Variants in GLB1L3 observed in about 807,000 individuals in gnomAD.
GLB1L3 encodes the protein galactosidase beta 1 like 3, also known as beta-galactosidase-1-like protein 3.
GLB1L3 carries 89 observed loss-of-function variants against 89.5 expected under a neutral mutation model. The ratio of observed to expected loss-of-function variants is 0.99; its 90% CI spans 0.84 to 1.19. The LOEUF (loss-of-function observed/expected upper bound fraction) is 1.19, where lower values mean the gene tolerates loss of function less well. Ranked by LOEUF, GLB1L3 falls within the 50% of genes most tolerant of loss-of-function variation. The pLI is 0.00. For synonymous variants in GLB1L3, 314 were observed against 312.3 expected (o/e 1.01, Z -0.06); for missense variants, 812 against 813.3 (o/e 1.00, Z 0.02).
At chr11:134,301,417 A>G (rs986613514) in intron 9 of GLB1L3, among the ~76,000 whole-genome samples, 1 of 152,192 alleles carries the variant, frequency 6.6e-6, no homozygotes, top group Non-Finnish European at 1.5e-5. Flanking sequence ...ATATAATGGC[A>G]TATAATTATG....
intron 9 of GLB1L3, chr11:134,305,102 T>G (rs1235261609): frequency 3.4e-5 from 53 of 1,549,240 alleles, no homozygotes; most frequent in Non-Finnish European, 4.5e-5. Flanking sequence ...CTTTTTGCTT[T>G]CTCTCCTCCC....
the GLB1L3 span, among the ~76,000 whole-genome samples, chr11:134,324,641 G>A: frequency 6.6e-6 from 1 of 152,122 alleles, no homozygotes; most frequent in East Asian, 1.9e-4. Flanking sequence ...TATCATAGAT[G>A]TAGCTGCACA....
rs752953715 is a variant in GLB1L3 at position 134,277,837 on chromosome 11, A to G, written c.287A>G (p.Tyr96Cys). 6.2e-7 allele frequency: 1 copy of G among 1,613,902 alleles called. No homozygotes were observed. Among genetic ancestry groups the G allele is most frequent in the Non-Finnish European group, 8.5e-7 (1 of 1,179,976 alleles). ...KFLIFGGSIH[Y>C]FRVPREYWRD... ...CTGATCTTCGGGGGCTCCATCCACT[A>G]TTTCCGGGTGCCCAGGGAGTACTGG... The change falls in exon 3 of 20, where the codon TAT (tyrosine) becomes TGT (cysteine). Residue 96 changes from tyrosine to cysteine, a missense_variant. This residue lies in a region of GLB1L3 where 191 missense variants were observed against 191.4 expected (regional missense o/e 1.00). Transcript: ENST00000431683.
Position 134,308,483 on chromosome 11 carries a change from CCACCAT to C in GLB1L3, c.962-1137_962-1132del, listed in dbSNP as rs1565413994. 3.7e-3 allele frequency among the ~76,000 whole-genome samples: 34 copies of C among 9,222 alleles called. 1 individual carries two copies. The highest frequency in any genetic ancestry group is 6.3e-3 in the African/African-American group (16 of 2,554). 6.0% of individuals were successfully genotyped at this position (9,222 alleles called of 152,430 possible). On this transcript the variant is annotated intron_variant, in intron 10 of 19. Coordinates refer to ENST00000431683, the MANE Select transcript of GLB1L3 (RefSeq NM_001080407.3). ...CCACCACCACCACCAAATACCACCA[CCACCAT>C]CACCACCAAATACCACCACCACCAC...
intron 10 of GLB1L3, among the ~76,000 whole-genome samples, chr11:134,307,955 TG>T (rs1942276746): frequency 2.6e-5 from 4 of 152,166 alleles, no homozygotes; most frequent in African/African-American, 9.7e-5. Context: ...CACTTGTATC[TG>T]AAGTATAGAA....
intron 13 of GLB1L3, 131 bp from the exon 14 acceptor site, chr11:134,312,218 C>A: frequency 1.0e-6 from 1 of 970,892 alleles, no homozygotes; most frequent in Non-Finnish European, 1.5e-6. Flanking sequence ...TGTCACATGG[C>A]ATCTGTTTCA....
At chr11:134,277,297 CT>C (rs1427523483) in intron 1 of GLB1L3, 28 bp from the exon 2 acceptor site, 1 of 1,613,524 alleles carries the variant, frequency 6.2e-7, no homozygotes, top group Non-Finnish European at 8.5e-7. Flanking sequence ...GAACCTTCCC[CT>C]TGTCACTGTT....
intron 18 of GLB1L3, among the ~76,000 whole-genome samples, chr11:134,316,584 G>C (rs187802396): frequency 6.6e-6 from 1 of 152,230 alleles, no homozygotes; most frequent in East Asian, 1.9e-4. Context: ...TCACCTGTAG[G>C]TGCTTCTCTG....
chr11:134,308,497 A>ACTACCACCACCATCACCATCACCACCACC (rs1565414065), intron 10 of GLB1L3, among the ~76,000 whole-genome samples: 3 of 6,368 alleles, frequency 4.7e-4, no homozygotes, highest in African/African-American at 2.2e-3. Flanking sequence ...CATCACCACC[A>ACTACCACCACCATCACCATCACCACCACC]AATACCACCA....
chr11:134,307,702 G>C (rs562172823), intron 10 of GLB1L3, among the ~76,000 whole-genome samples: 1 of 152,292 alleles, frequency 6.6e-6, no homozygotes, highest in Admixed American at 6.5e-5. Flanking sequence ...GGATCTTGGA[G>C]CCAAAGAGAT....
intron 18 of GLB1L3, among the ~76,000 whole-genome samples, chr11:134,317,396 T>TATC (rs1943030772): frequency 6.6e-6 from 1 of 152,230 alleles, no homozygotes; most frequent in African/African-American, 2.4e-5. Context: ...CTATCAATTT[T>TATC]ATCATCATCA....
chr11:134,321,213 G>A (rs1442918860), downstream of GLB1L3, among the ~76,000 whole-genome samples: 1 of 152,156 alleles, frequency 6.6e-6, no homozygotes, highest in Non-Finnish European at 1.5e-5. Flanking sequence ...TGGCCAAAAA[G>A]TGATCTAAGA....
At chr11:134,308,235 CCATCACCATCACCACCAT>C (rs1942345290) in intron 10 of GLB1L3, among the ~76,000 whole-genome samples, 4 of 27,802 alleles carry the variant, frequency 1.4e-4, no homozygotes, top group Middle Eastern at 0.014. Context: ...ACCACCACCA[CCATCACCATCACCACCAT>C]CACCACCACC....
intron 10 of GLB1L3, among the ~76,000 whole-genome samples, chr11:134,308,217 TCACCATCACCACCAC>T (rs1942334073): frequency 9.5e-5 from 3 of 31,532 alleles, no homozygotes; most frequent in Non-Finnish European, 1.8e-4. Context: ...ACCACCACCA[TCACCATCACCACCAC>T]CACCATCACC....
intron 9 of GLB1L3, among the ~76,000 whole-genome samples, chr11:134,304,955 G>T (rs2136188833): frequency 6.6e-6 from 1 of 152,078 alleles, no homozygotes; most frequent in South Asian, 2.1e-4. Flanking sequence ...GTTCTTATTG[G>T]CTCAAGGACT....
intron 9 of GLB1L3, among the ~76,000 whole-genome samples, chr11:134,298,629 T>C (rs1418826575): frequency 6.6e-6 from 1 of 152,202 alleles, no homozygotes; most frequent in Non-Finnish European, 1.5e-5. Context: ...CGAGATCTGA[T>C]GGGTTTATCA....
At chr11:134,310,731 G>A (rs1942687497) in intron 12 of GLB1L3, 80 bp downstream of exon 12, 8 of 1,095,852 alleles carry the variant, frequency 7.3e-6, no homozygotes, top group Non-Finnish European at 1.1e-5. Context: ...GGAAGGCGTG[G>A]GTCTCCCTTG....
At position 134,291,467 on chromosome 11, in the gene GLB1L3, A is replaced by G. The variant is rs185578905; in HGVS notation, c.730-665A>G. Among the ~76,000 whole-genome samples, 5 of 152,150 alleles carry G rather than the reference A, an allele frequency of 3.3e-5. No individual in the cohort carries two copies. The East Asian group carries it at 9.7e-4, about 29-fold the overall frequency. On this transcript the variant is annotated intron_variant, in intron 7 of 19. Coordinates refer to ENST00000431683, the MANE Select transcript of GLB1L3 (RefSeq NM_001080407.3). ...CACCATGTTGGCCAAGCTGGTCTCAAACTCTTGACCTCAAATGATCTGCCT... is the reference window on the plus strand; with the variant it reads ...CACCATGTTGGCCAAGCTGGTCTCAGACTCTTGACCTCAAATGATCTGCCT...
At chr11:134,299,487 G>T (rs373630687) in intron 9 of GLB1L3, among the ~76,000 whole-genome samples, 17 of 152,258 alleles carry the variant, frequency 1.1e-4, no homozygotes, top group African/African-American at 4.1e-4. Context: ...AGTTAGGCTG[G>T]TTGTGGGGTT....
Sources: gnomAD v4.1 joint callset for allele counts (sites outside exome capture counted in the v4.1 genomes callset) on GRCh38, gnomAD v4.1.1 for gene constraint, gnomAD v4.1.1 regional missense constraint, MANE v1.5 for transcripts, NCBI Gene and HGNC (gene_info 2026-07-23, HGNC 2026-07-21) for gene names.